Variants in NUP98 observed in about 807,000 individuals in gnomAD.
The protein encoded by NUP98 is nucleoporin 98 and 96 precursor.
In NUP98, 26 loss-of-function variants were observed where a neutral mutation model predicts 191.9. The ratio of observed to expected loss-of-function variants is 0.14; its 90% CI spans 0.10 to 0.19. The LOEUF is 0.19. Ranked by LOEUF, NUP98 falls within the 10% of genes least tolerant of loss-of-function variation. The probability of loss-of-function intolerance (pLI) is 1.00; values close to 1 mark genes in which losing one functional copy is unlikely to be tolerated. For synonymous variants in NUP98, 808 were observed against 778.4 expected, an observed-to-expected ratio of 1.04 and a Z score of -0.63; for missense variants, 1,941 against 2,178.8, an observed-to-expected ratio of 0.89 and a Z score of 2.17.
chr11:3,714,134 G>C, intron 18 of NUP98, 139 bp from the exon 19 acceptor site: 2 of 869,112 alleles, frequency 2.3e-6, no homozygotes, highest in Non-Finnish European at 3.6e-6. Flanking sequence ...TCATAAACTT[G>C]AGTTTTGCCC....
At chr11:3,719,708 G>A (rs1470336718) in intron 17 of NUP98, among the ~76,000 whole-genome samples, 158 bp from the exon 18 acceptor site, 1 of 99,612 alleles carries the variant, frequency 1.0e-5, no homozygotes, top group Non-Finnish European at 2.0e-5. Flanking sequence ...TGGGGACTTA[G>A]GGAGAGTAAC....
chr11:3,763,345 T>C (rs549666596), intron 8 of NUP98, among the ~76,000 whole-genome samples: 6 of 152,218 alleles, frequency 3.9e-5, no homozygotes, highest in South Asian at 4.1e-4. Flanking sequence ...TAGGCGTCTA[T>C]TAAATAATAA....
chr11:3,747,292 A>G (rs2080541763), intron 11 of NUP98, among the ~76,000 whole-genome samples: 1 of 152,200 alleles, frequency 6.6e-6, no homozygotes, highest in Non-Finnish European at 1.5e-5. Context: ...GATATTCCAA[A>G]ATTGTTAGAA....
At chr11:3,713,547 G>T (rs1053395766) in intron 19 of NUP98, among the ~76,000 whole-genome samples, 1 of 152,028 alleles carries the variant, frequency 6.6e-6, no homozygotes. Flanking sequence ...TGAGAAACTC[G>T]ATCTTTACAA....
intron 12 of NUP98, among the ~76,000 whole-genome samples, chr11:3,735,831 T>C (rs983253342): frequency 2.8e-5 from 4 of 143,040 alleles, no homozygotes; most frequent in African/African-American, 1.0e-4. Context: ...ACAGGGCAAA[T>C]ACTGTGTGTG....
chr11:3,739,034 G>A (rs972469929), intron 12 of NUP98, among the ~76,000 whole-genome samples: 5 of 151,910 alleles, frequency 3.3e-5, no homozygotes, highest in African/African-American at 1.2e-4. Flanking sequence ...GTATAAAGAT[G>A]TACATTCTAA....
At chr11:3,741,440 G>A (rs1387454892) in intron 12 of NUP98, among the ~76,000 whole-genome samples, 1 of 151,964 alleles carries the variant, frequency 6.6e-6, no homozygotes, top group African/African-American at 2.4e-5. Flanking sequence ...TGGCCAACAT[G>A]GTGAAACCCC....
In NUP98 at chr11:3,797,420, G is replaced by A. The variant is rs1043558157; in HGVS notation, c.-49C>T. The A allele has an allele frequency of 1.2e-4, 49 of 404,246 alleles. No individual in the cohort carries two copies. Among genetic ancestry groups the A allele is most frequent in the East Asian group, 6.4e-4 (18 of 28,084 alleles). 25.0% of individuals were successfully genotyped at this position (404,246 alleles called of 1,614,324 possible). On this transcript the variant is annotated 5_prime_UTR_variant, in exon 1 of 33. Transcript: ENST00000324932. Reference sequence around the variant, plus strand: ...CTTACCGCGGTTCGGTGGGGAAGGGGAAGTGTCAGGAGTCCCCTGCTGCCA... The same window carrying A: ...CTTACCGCGGTTCGGTGGGGAAGGGAAAGTGTCAGGAGTCCCCTGCTGCCA...
At chr11:3,768,985 G>C (rs145128140) in intron 7 of NUP98, among the ~76,000 whole-genome samples, 2 of 152,108 alleles carry the variant, frequency 1.3e-5, no homozygotes, top group Non-Finnish European at 2.9e-5. Flanking sequence ...ATCTTCCCTT[G>C]TAAGTCCACA....
chr11:3,791,366 CTACTAAAAA>C (rs199630544), intron 1 of NUP98, among the ~76,000 whole-genome samples: 7,632 of 150,810 alleles, frequency 0.051, 249 homozygotes, highest in Middle Eastern at 0.099. Context: ...AACCTCATCT[CTACTAAAAA>C]TACAAAAAAT....
rs913654719 is a variant in NUP98, at chr11:3,695,560, C to A, written c.4056G>T (p.Gln1352His). Residue 1352 changes from glutamine (Q) to histidine (H), a missense_variant, in exon 26 of 33, where the codon CAG becomes CAT. Gln to His is a conservative substitution (Grantham distance 24). This residue lies in a region of NUP98 where 1,030 missense variants were observed against 1,115.8 expected (regional missense o/e 0.92). Transcript: ENST00000324932. The stretch of plus-strand genomic sequence containing the variant: ...GCATGGTGAGCAGCTCCCGGACTGA[C>A]TGGCTACCCACAAACTGAGATAAAA... ...ALLLSQFVGS[Q>H]SVRELLTMQL... 2.5e-6 allele frequency: 4 copies of A among 1,604,804 alleles called. No homozygotes were observed. Among genetic ancestry groups the A allele is most frequent in the Non-Finnish European group, 2.6e-6 (3 of 1,175,874 alleles).
intron 10 of NUP98, among the ~76,000 whole-genome samples, chr11:3,754,866 C>T (rs1017977759): frequency 3.5e-5 from 5 of 144,292 alleles, no homozygotes; most frequent in East Asian, 2.1e-4. Flanking sequence ...TGCTTAAACC[C>T]GGGAGGCAGA....
chr11:3,780,766 C>T (rs894348074), intron 2 of NUP98, among the ~76,000 whole-genome samples: 2 of 151,492 alleles, frequency 1.3e-5, no homozygotes, highest in Non-Finnish European at 1.5e-5. Flanking sequence ...CAAGATCTCA[C>T]CTCTACAAAA....
chr11:3,782,458 A>G (rs547825418), intron 1 of NUP98, among the ~76,000 whole-genome samples: 1 of 152,072 alleles, frequency 6.6e-6, no homozygotes, highest in East Asian at 1.9e-4. Context: ...TAATCAATAA[A>G]TATTTCAGGT....
At chr11:3,737,544 G>A (rs532884229) in intron 12 of NUP98, among the ~76,000 whole-genome samples, 22 of 152,170 alleles carry the variant, frequency 1.4e-4, no homozygotes, top group African/African-American at 2.4e-4. Context: ...GGAGAATGGC[G>A]TGAACCCAGG....
rs2078753636 is a variant in NUP98 at position 3,702,903 on chromosome 11, G to A, written c.3083-11C>T. Reference sequence around the variant, plus strand: ...GTAGTAACCCACCAACTGAAATGAAGCGGGAATGAAGGGGAGAAAGACTAT... The same window carrying A: ...GTAGTAACCCACCAACTGAAATGAAACGGGAATGAAGGGGAGAAAGACTAT... On this transcript the variant is annotated splice_polypyrimidine_tract_variant and intron_variant, in intron 22 of 32. Coordinates refer to ENST00000324932, the MANE Select transcript of NUP98 (RefSeq NM_016320.5). The A allele has an allele frequency of 1.3e-6, 2 of 1,593,178 alleles. No homozygotes were observed. The highest frequency in any genetic ancestry group is 1.7e-6 in the Non-Finnish European group (2 of 1,167,554).
chr11:3,740,633 G>T (rs2080247651), intron 12 of NUP98, among the ~76,000 whole-genome samples: 2 of 151,828 alleles, frequency 1.3e-5, no homozygotes, highest in Admixed American at 1.3e-4. Flanking sequence ...ACATAAAAAG[G>T]AGAAGGGCAA....
intron 18 of NUP98, among the ~76,000 whole-genome samples, chr11:3,714,262 C>A (rs2079107110): frequency 1.3e-5 from 2 of 152,186 alleles, no homozygotes; most frequent in African/African-American, 4.8e-5. Flanking sequence ...CTCATTTTCA[C>A]ACTTAAGCTA....
intron 20 of NUP98, among the ~76,000 whole-genome samples, chr11:3,708,463 G>A (rs1185059248): frequency 6.6e-6 from 1 of 152,134 alleles, no homozygotes; most frequent in East Asian, 1.9e-4. Context: ...TACGAAGAAT[G>A]CTAAGGATCA....
Sources: allele counts gnomAD v4.1 joint callset (sites outside exome capture counted in the v4.1 genomes callset), GRCh38; gene constraint gnomAD v4.1.1; regional missense constraint gnomAD v4.1.1; transcripts MANE v1.5; gene names NCBI Gene and HGNC (gene_info 2026-07-23, HGNC 2026-07-21).